ULK4: variants seen among roughly 807,000 people sequenced by gnomAD.
The protein encoded by ULK4 is unc-51 like kinase 4, also known as inactive serine/threonine-protein kinase ULK4.
ULK4 carries 133 observed loss-of-function variants against 160.6 expected under a neutral mutation model. The ratio of observed to expected loss-of-function variants is 0.83; its 90% CI spans 0.72 to 0.96. ULK4 has a LOEUF of 0.96. Among genes scored for constraint, ULK4 ranks in the 40% least tolerant of loss-of-function variants. ULK4 has a pLI of 0.00. For synonymous variants in ULK4, 534 were observed against 539.8 expected (o/e 0.99, Z 0.15); for missense variants, 1,580 against 1,499.5 (o/e 1.05, Z -0.89).
At chr3:41,622,363 A>G (rs936291314) in intron 30 of ULK4, among the ~76,000 whole-genome samples, 5 of 152,328 alleles carry the variant, frequency 3.3e-5, no homozygotes, top group South Asian at 4.1e-4. Flanking sequence ...ATGCCCATCA[A>G]TGATAGACTG....
At chr3:41,547,120 C>T (rs2086891087) in intron 32 of ULK4, among the ~76,000 whole-genome samples, 1 of 152,094 alleles carries the variant, frequency 6.6e-6, no homozygotes, top group African/African-American at 2.4e-5. Context: ...TTCTCAGGAG[C>T]ACATTATAAA....
Position 41,364,213 on chromosome 3 carries a change from T to C in ULK4, c.3678+33866A>G, listed in dbSNP as rs191215951. 3.6e-3 allele frequency among the ~76,000 whole-genome samples: 546 copies of C among 152,316 alleles called. 3 individuals are homozygous for C. The highest frequency in any genetic ancestry group is 0.012 in the African/African-American group (512 of 41,586). On this transcript the variant is annotated intron_variant, in intron 35 of 36. Transcript: ENST00000301831. Reference sequence around the variant, plus strand: ...TTGGCCTCCCAAAGTGCTGGGATTATAGGTGTGAGCTGCTGCACCCGGCCC... The same window carrying C: ...TTGGCCTCCCAAAGTGCTGGGATTACAGGTGTGAGCTGCTGCACCCGGCCC...
chr3:41,494,558 T>C (rs958758876), intron 32 of ULK4, among the ~76,000 whole-genome samples: 11 of 151,698 alleles, frequency 7.3e-5, no homozygotes, highest in African/African-American at 2.7e-4. Context: ...CTATTCAACA[T>C]AGTGTTGGAA....
At chr3:41,590,245 G>T (rs530867784) in intron 31 of ULK4, among the ~76,000 whole-genome samples, 2 of 151,468 alleles carry the variant, frequency 1.3e-5, no homozygotes, top group African/African-American at 2.4e-5. Context: ...CTCATGATCC[G>T]CCTGCCTTGG....
chr3:41,856,902 T>C (rs577184486), intron 17 of ULK4, among the ~76,000 whole-genome samples: 24 of 149,870 alleles, frequency 1.6e-4, no homozygotes, highest in African/African-American at 4.8e-4. Context: ...GAGTGAGACC[T>C]TGTATAAAAC....
At position 41,443,831 on chromosome 3, in the gene ULK4, T is replaced by C. The variant is rs552606154; in HGVS notation, c.3492+11666A>G. 8.5e-5 allele frequency among the ~76,000 whole-genome samples: 13 copies of C among 152,262 alleles called. No homozygotes were observed. The East Asian group carries it at 2.5e-3, about 29-fold the overall frequency. On this transcript the variant is annotated intron_variant, in intron 34 of 36. Transcript: ENST00000301831. ...ATGTTAAGCAATATATTCTAATATT[T>C]AACTTATGTTACAAATATTTTCCCA... is the stretch of plus-strand genomic sequence containing the variant.
At chr3:41,560,941 C>T (rs1357013760) in intron 32 of ULK4, among the ~76,000 whole-genome samples, 1 of 152,160 alleles carries the variant, frequency 6.6e-6, no homozygotes, top group African/African-American at 2.4e-5. Context: ...TGTCTTGTGC[C>T]AGTTTTCAAA....
At chr3:41,753,129 C>T (rs1045314137) in intron 22 of ULK4, among the ~76,000 whole-genome samples, 4 of 152,202 alleles carry the variant, frequency 2.6e-5, no homozygotes, top group African/African-American at 9.6e-5. Flanking sequence ...ATGAGAGGAT[C>T]GCTTGGGCCT....
chr3:41,258,162 G>A (rs1398463848), intron 35 of ULK4, among the ~76,000 whole-genome samples: 4 of 152,088 alleles, frequency 2.6e-5, no homozygotes, highest in Admixed American at 6.6e-5. Context: ...TGTATCTGCT[G>A]GACTATGTGG....
At chr3:41,622,147 T>A (rs537530997) in intron 30 of ULK4, among the ~76,000 whole-genome samples, 21 of 152,316 alleles carry the variant, frequency 1.4e-4, no homozygotes, top group African/African-American at 4.6e-4. Context: ...ATAGGAACAC[T>A]TTTACACTGT....
At chr3:41,487,327 C>A (rs555189862) in intron 32 of ULK4, among the ~76,000 whole-genome samples, 6 of 151,940 alleles carry the variant, frequency 3.9e-5, no homozygotes, top group African/African-American at 1.4e-4. Context: ...TTTTGAGGAA[C>A]ATAACAAAGT....
intron 27 of ULK4, among the ~76,000 whole-genome samples, chr3:41,694,066 T>C (rs1329911006): frequency 1.3e-5 from 2 of 152,198 alleles, no homozygotes; most frequent in Non-Finnish European, 2.9e-5. Context: ...CTGGTTTCAG[T>C]GAAGCAATTC....
At chr3:41,425,924 T>A (rs1245063238) in intron 34 of ULK4, among the ~76,000 whole-genome samples, 2 of 152,070 alleles carry the variant, frequency 1.3e-5, no homozygotes, top group African/African-American at 2.4e-5. Context: ...AATTCACACA[T>A]AACAATATCA....
chr3:41,593,900 G>A (rs2031518268), intron 31 of ULK4, among the ~76,000 whole-genome samples: 1 of 151,760 alleles, frequency 6.6e-6, no homozygotes, highest in Non-Finnish European at 1.5e-5. Flanking sequence ...AGGTATCACG[G>A]CATGTATCTG....
intron 35 of ULK4, among the ~76,000 whole-genome samples, chr3:41,381,323 C>G (rs1450666208): frequency 1.3e-5 from 2 of 152,222 alleles, no homozygotes; most frequent in Non-Finnish European, 2.9e-5. Context: ...CTTCCGGAAT[C>G]CACATTCAAG....
chr3:41,869,363 C>G (rs1339426497), intron 17 of ULK4, among the ~76,000 whole-genome samples: 1 of 151,978 alleles, frequency 6.6e-6, no homozygotes, highest in Non-Finnish European at 1.5e-5. Flanking sequence ...TCACCTGAGG[C>G]CAGGAGTTCA....
chr3:41,539,589 G>T (rs546438450), intron 32 of ULK4, among the ~76,000 whole-genome samples: 2 of 152,136 alleles, frequency 1.3e-5, no homozygotes, highest in African/African-American at 4.8e-5. Flanking sequence ...ATAGACTATA[G>T]GAAAAAAATT....
intron 27 of ULK4, among the ~76,000 whole-genome samples, chr3:41,700,263 C>G (rs531891585): frequency 6.6e-6 from 1 of 152,250 alleles, no homozygotes; most frequent in South Asian, 2.1e-4. Flanking sequence ...GAGCATGGAG[C>G]TGACTGCCCA....
intron 18 of ULK4, among the ~76,000 whole-genome samples, chr3:41,834,419 A>G (rs780761464): frequency 2.0e-5 from 3 of 152,190 alleles, no homozygotes; most frequent in Non-Finnish European, 4.4e-5. Flanking sequence ...AATCGTAACG[A>G]TATTAGTTAT....
Sources: gnomAD v4.1 joint callset for allele counts (sites outside exome capture counted in the v4.1 genomes callset) on GRCh38, gnomAD v4.1.1 for gene constraint, MANE v1.5 for transcripts, NCBI Gene and HGNC (gene_info 2026-07-23, HGNC 2026-07-21) for gene names.